The following GXYLT2 variants were observed in gnomAD, a reference collection of about 807,000 sequenced individuals.
The protein encoded by GXYLT2 is glycosyltransferase 8 domain containing 4.
Under a neutral mutation model 45.8 loss-of-function variants are expected in GXYLT2, and 53 were observed. The observed-to-expected ratio is 1.16, with a 90% CI of 0.93 to 1.46. The LOEUF (loss-of-function observed/expected upper bound fraction) is 1.46. Among genes scored for constraint, GXYLT2 ranks in the 40% most tolerant of loss-of-function variants. The pLI, the probability that GXYLT2 is intolerant of heterozygous loss-of-function variation, is 0.00. For missense variants in GXYLT2, 551 were observed against 544.4 expected, an observed-to-expected ratio of 1.01 and a Z score of -0.12; for synonymous variants, 219 against 214.2, an observed-to-expected ratio of 1.02 and a Z score of -0.19.
chr3:72,888,233 C>T lies in GXYLT2; in HGVS notation c.-1C>T, dbSNP rs1262320449. ...GGCCGCCGCCGCCGCCGCGCCGCAC[C>T]ATGAAGCTCCGCAGCAAGGCGGCGG... is the stretch of plus-strand genomic sequence containing the variant. On this transcript the variant is annotated 5_prime_UTR_variant, in exon 1 of 7. Transcript: ENST00000389617. 1 of 992,208 alleles carries T rather than the reference C, an allele frequency of 1.0e-6. No homozygotes were observed. Among genetic ancestry groups the T allele is most frequent in the Non-Finnish European group, 1.2e-6 (1 of 837,294 alleles). The allele number at this position is 992,208 out of a possible 1,614,324, so 61.5% of individuals were successfully genotyped here. A position where few individuals can be genotyped will look rare whatever the true frequency, so the allele number is the denominator to read the frequency against.
chr3:72,926,726 C>A (rs1438296038), intron 3 of GXYLT2, among the ~76,000 whole-genome samples: 1 of 152,030 alleles, frequency 6.6e-6, no homozygotes, highest in Admixed American at 6.6e-5. Context: ...TCTGGGAATC[C>A]TAGAGATAGG....
intron 2 of GXYLT2, among the ~76,000 whole-genome samples, chr3:72,914,036 C>A (rs1193475962): frequency 6.6e-6 from 1 of 152,122 alleles, no homozygotes; most frequent in Non-Finnish European, 1.5e-5. Context: ...AAGGGGTGGG[C>A]TCTGTCACCC....
chr3:72,957,034 G>A (rs1377152494), intron 4 of GXYLT2, among the ~76,000 whole-genome samples, 195 bp from the exon 5 acceptor site: 2 of 145,420 alleles, frequency 1.4e-5, no homozygotes, highest in African/African-American at 2.6e-5. Context: ...TCTAGTATCC[G>A]TGTGTACAGC....
intron 1 of GXYLT2, among the ~76,000 whole-genome samples, chr3:72,905,294 T>C (rs1365320866): frequency 6.6e-6 from 1 of 151,920 alleles, no homozygotes; most frequent in East Asian, 1.9e-4. Context: ...ATTTTTGTAT[T>C]TTTAGTAGAG....
rs1010161744 is a variant in GXYLT2 at position 72,961,997 on chromosome 3, A to G, written c.976+4645A>G. On this transcript the variant is annotated intron_variant, in intron 5 of 6. Transcript: ENST00000389617. ...GTGAGTCAAGTGTGTGATACTAGGG[A>G]GGCAGGAGGAGTTCATGGGAACCTC... 2.6e-5 allele frequency among the ~76,000 whole-genome samples: 4 copies of G among 152,136 alleles called. No individual in the cohort carries two copies. The East Asian group carries it at 7.7e-4, about 29-fold the overall frequency.
intron 1 of GXYLT2, among the ~76,000 whole-genome samples, chr3:72,891,506 T>A (rs1709182359): frequency 6.6e-6 from 1 of 152,210 alleles, no homozygotes; most frequent in Non-Finnish European, 1.5e-5. Context: ...CCTCCTTCTC[T>A]ATAAATATAA....
At chr3:72,945,302 TA>T (rs35542567) in intron 3 of GXYLT2, among the ~76,000 whole-genome samples, 32 of 23,452 alleles carry the variant, frequency 1.4e-3, no homozygotes, top group African/African-American at 7.8e-3. Flanking sequence ...AATAAAAAAA[TA>T]AAAATAAAAT....
At chr3:72,909,931 A>C (rs986184986) in intron 2 of GXYLT2, among the ~76,000 whole-genome samples, 3 of 152,200 alleles carry the variant, frequency 2.0e-5, no homozygotes, top group African/African-American at 7.2e-5. Context: ...AATAATAGAA[A>C]GATGGAAAAT....
At chr3:72,900,913 G>T (rs1404301954) in intron 1 of GXYLT2, among the ~76,000 whole-genome samples, 1 of 152,058 alleles carries the variant, frequency 6.6e-6, no homozygotes, top group Non-Finnish European at 1.5e-5. Flanking sequence ...CCAGCACTTT[G>T]GGAGGCCAAG....
At chr3:72,914,831 G>C (rs1025867701) in intron 2 of GXYLT2, among the ~76,000 whole-genome samples, 6 of 152,140 alleles carry the variant, frequency 3.9e-5, no homozygotes, top group African/African-American at 1.4e-4. Context: ...TGGTTCTCCA[G>C]CCCTCCCACT....
intron 1 of GXYLT2, among the ~76,000 whole-genome samples, chr3:72,905,617 CA>C (rs548783096): frequency 4.4e-4 from 67 of 152,112 alleles, no homozygotes; most frequent in Admixed American, 7.9e-4. Flanking sequence ...TGCAAATGTG[CA>C]AGAGTTTCTT....
At chr3:72,964,348 A>G (rs930326548) in intron 5 of GXYLT2, among the ~76,000 whole-genome samples, 4 of 151,468 alleles carry the variant, frequency 2.6e-5, no homozygotes, top group Non-Finnish European at 5.9e-5. Flanking sequence ...TTTGAGACAG[A>G]GTCTTGCTTT....
Position 72,924,368 on chromosome 3 carries a change from A to AT in GXYLT2, c.600+2039dup, listed in dbSNP as rs374599685. On this transcript the variant is annotated intron_variant, in intron 3 of 6. Transcript: ENST00000389617. ...GCCACCATGCTTAGCTAATTTTTTT[A>AT]TTTTTTGTAGAGATGATGTCTTGCT... Among the ~76,000 whole-genome samples the AT allele has an allele frequency of 5.5e-3, 832 of 151,640 alleles. 7 individuals carry two copies. Among genetic ancestry groups the AT allele is most frequent in the African/African-American group, 0.02 (813 of 41,304 alleles).
At chr3:72,929,909 G>A (rs1053929475) in intron 3 of GXYLT2, among the ~76,000 whole-genome samples, 4 of 152,178 alleles carry the variant, frequency 2.6e-5, no homozygotes, top group Non-Finnish European at 4.4e-5. Context: ...GCTCATGCCT[G>A]TAATCCCAGC....
Position 72,942,855 on chromosome 3 carries a change from A to G in GXYLT2, c.601-12243A>G, listed in dbSNP as rs1389846547. ...GTTTGGATCTTGGAACTGAAAGAGG[A>G]GATTTGTGGAAAAACTGGTGACATC... On this transcript the variant is annotated intron_variant, in intron 3 of 6. Transcript: ENST00000389617. Among the ~76,000 whole-genome samples, 2 of 152,094 alleles carry G rather than the reference A, an allele frequency of 1.3e-5. 1 individual carries two copies. The highest frequency in any genetic ancestry group is 4.8e-5 in the African/African-American group (2 of 41,408).
At chr3:72,971,766 T>C (rs1273742384) in intron 6 of GXYLT2, among the ~76,000 whole-genome samples, 1 of 151,910 alleles carries the variant, frequency 6.6e-6, no homozygotes, top group Admixed American at 6.6e-5. Flanking sequence ...GTGGCCAAAA[T>C]GGCGAAACCC....
chr3:72,936,300 G>GAAAAAAAAAA (rs796602781), intron 3 of GXYLT2, among the ~76,000 whole-genome samples: 2 of 72,498 alleles, frequency 2.8e-5, no homozygotes, highest in African/African-American at 4.0e-5. Context: ...TCAAAAAAAA[G>GAAAAAAAAAA]AAAAAAAAAA....
At chr3:72,920,331 C>G (rs1709809580) in intron 2 of GXYLT2, among the ~76,000 whole-genome samples, 1 of 152,076 alleles carries the variant, frequency 6.6e-6, no homozygotes, top group Non-Finnish European at 1.5e-5. Flanking sequence ...GACCGGGTTT[C>G]ACCATGTTGG....
At chr3:72,961,488 T>A (rs1710767947) in intron 5 of GXYLT2, among the ~76,000 whole-genome samples, 1 of 151,996 alleles carries the variant, frequency 6.6e-6, no homozygotes, top group South Asian at 2.1e-4. Flanking sequence ...GGCCTCATGG[T>A]TTCTGTGATC....
Sources: gnomAD v4.1 joint callset for allele counts (sites outside exome capture counted in the v4.1 genomes callset) on GRCh38, gnomAD v4.1.1 for gene constraint, MANE v1.5 for transcripts, NCBI Gene and HGNC (gene_info 2026-07-23, HGNC 2026-07-21) for gene names.